Variants in MGST3 observed in about 807,000 individuals in gnomAD.
MGST3 encodes glutathione S-transferase 3, mitochondrial.
Under a neutral mutation model 15.8 loss-of-function variants are expected in MGST3, and 13 were observed. The observed-to-expected ratio is 0.82, with a 90% CI of 0.54 to 1.31. The LOEUF (loss-of-function observed/expected upper bound fraction) is 1.31, where lower values mean the gene tolerates loss of function less well. MGST3 is among the 50% of genes most tolerant of loss of function. The pLI, the probability that MGST3 is intolerant of heterozygous loss-of-function variation, is 0.00. For synonymous variants in MGST3, 49 were observed against 68.1 expected, an observed-to-expected ratio of 0.72 and a Z score of 1.38; for missense variants, 155 against 192.4, an observed-to-expected ratio of 0.81 and a Z score of 1.15.
chr1:165,634,249 C>G (rs757995028), intron 1 of MGST3, among the ~76,000 whole-genome samples: 1 of 152,128 alleles, frequency 6.6e-6, no homozygotes, highest in East Asian at 1.9e-4. Context: ...AAACTGGAGC[C>G]AGACTGCTTG....
At chr1:165,643,315 T>C (rs1451669761) in intron 1 of MGST3, among the ~76,000 whole-genome samples, 1 of 152,204 alleles carries the variant, frequency 6.6e-6, no homozygotes, top group Non-Finnish European at 1.5e-5. Flanking sequence ...TTTGCCATCA[T>C]AAATATTGCT....
At chr1:165,653,791 C>T (rs1051674933) in intron 4 of MGST3, 1 of 202,322 alleles carries the variant, frequency 4.9e-6, no homozygotes, top group Non-Finnish European at 1.0e-5. Flanking sequence ...CCAGTGTAGC[C>T]TGCAGAACCA....
At chr1:165,648,229 G>A (rs902886757) in intron 1 of MGST3, among the ~76,000 whole-genome samples, 37 of 152,240 alleles carry the variant, frequency 2.4e-4, no homozygotes, top group African/African-American at 8.4e-4. Context: ...GAACCAGCCC[G>A]CTGCAGTGTG....
At chr1:165,645,366 G>A (rs1399607125) in intron 1 of MGST3, among the ~76,000 whole-genome samples, 1 of 151,950 alleles carries the variant, frequency 6.6e-6, no homozygotes, top group African/African-American at 2.4e-5. Context: ...TTGCCCCAGT[G>A]GAAGGTCACA....
At chr1:165,653,492 A>G (rs114763603) in intron 4 of MGST3, among the ~76,000 whole-genome samples, 1,903 of 152,296 alleles carry the variant, frequency 0.012, 26 homozygotes, top group Non-Finnish European at 0.021. Flanking sequence ...GTTACCCAAA[A>G]TCAACTCAAA....
intron 1 of MGST3, chr1:165,648,368 G>C (rs1648464580): frequency 6.6e-6 from 1 of 152,400 alleles, no homozygotes; most frequent in South Asian, 2.1e-4. Context: ...AAGAAGTTAG[G>C]CCTGTTAGGC....
chr1:165,636,801 G>A (rs1020126343), intron 1 of MGST3: 2 of 152,138 alleles, frequency 1.3e-5, no homozygotes, highest in Non-Finnish European at 2.9e-5. Context: ...ATTGAGCATT[G>A]TGTGAGCTCC....
At position 165,644,208 on chromosome 1, in the gene MGST3, G is replaced by C. The variant is rs151297889; in HGVS notation, c.-7-5633G>C. On this transcript the variant is annotated intron_variant, in intron 1 of 5. Coordinates refer to ENST00000367889, the MANE Select transcript of MGST3 (RefSeq NM_004528.4). ...GAGATATGTTCTGAGAAATGTGTTA[G>C]GTGATTTTGTCATTGTGAGAATATC... 9.0e-3 allele frequency among the ~76,000 whole-genome samples: 1,371 copies of C among 152,258 alleles called. 19 individuals carry two copies. The highest frequency in any genetic ancestry group is 0.032 in the African/African-American group (1,313 of 41,522).
intron 1 of MGST3, among the ~76,000 whole-genome samples, chr1:165,642,745 G>A (rs77550659): frequency 0.036 from 5,505 of 152,236 alleles, 343 homozygotes; most frequent in African/African-American, 0.13. Flanking sequence ...AAACTGAGGT[G>A]CTGAAAGGTG....
In MGST3 at chr1:165,655,349, GTT is replaced by G; in HGVS notation, c.323-18_323-17del. The G allele has an allele frequency of 1.2e-6, 2 of 1,613,776 alleles. No individual in the cohort carries two copies. The highest frequency in any genetic ancestry group is 1.7e-6 in the Non-Finnish European group (2 of 1,179,824). On this transcript the variant is annotated splice_polypyrimidine_tract_variant and intron_variant, in intron 5 of 5. Coordinates refer to ENST00000367889, the MANE Select transcript of MGST3 (RefSeq NM_004528.4). ...TTCTGGAGCACTCCTGGTAACTTCTGTTCTTTCTTCTTTTTCAGAACCCAGCA... is the reference window on the plus strand; with the variant it reads ...TTCTGGAGCACTCCTGGTAACTTCTGCTTTCTTCTTTTTCAGAACCCAGCA...
intron 1 of MGST3, among the ~76,000 whole-genome samples, chr1:165,633,899 G>A (rs1648028380): frequency 6.6e-6 from 1 of 151,952 alleles, no homozygotes; most frequent in African/African-American, 2.4e-5. Context: ...TTTGCTCCTT[G>A]CAAACCTATA....
chr1:165,639,831 T>A (rs1167322262), intron 1 of MGST3, among the ~76,000 whole-genome samples: 1 of 152,114 alleles, frequency 6.6e-6, no homozygotes, highest in Non-Finnish European at 1.5e-5. Context: ...AGAAGCACTC[T>A]ATGGGACCAG....
chr1:165,641,357 T>G (rs1489539479), intron 1 of MGST3, among the ~76,000 whole-genome samples: 1 of 152,212 alleles, frequency 6.6e-6, no homozygotes, highest in Non-Finnish European at 1.5e-5. Flanking sequence ...TTATATATTC[T>G]GGTTGAATAA....
Position 165,651,126 on chromosome 1 carries a change from G to A in MGST3, c.191+39G>A, listed in dbSNP as rs753479877. ...CTGCCGGGCACCAAAGACATCTGCA[G>A]AGTGGGTGTTTTCTGTCTAACACCT... On this transcript the variant is annotated intron_variant, in intron 3 of 5. Coordinates refer to ENST00000367889, the MANE Select transcript of MGST3 (RefSeq NM_004528.4). 5.1e-6 allele frequency: 8 copies of A among 1,580,584 alleles called. No individual in the cohort carries two copies. The Admixed American group carries it at 1.3e-4, about 26-fold the overall frequency.
chr1:165,650,959 T>C, intron 2 of MGST3, 55 bp from the exon 3 acceptor site: 2 of 1,503,404 alleles, frequency 1.3e-6, no homozygotes, highest in Non-Finnish European at 1.9e-6. Context: ...ATTTTAACTT[T>C]CAACACTGAA....
At chr1:165,639,439 A>G (rs1024585418) in intron 1 of MGST3, among the ~76,000 whole-genome samples, 5 of 152,150 alleles carry the variant, frequency 3.3e-5, no homozygotes, top group Admixed American at 2.0e-4. Flanking sequence ...AATAGTAACT[A>G]TCATATGGGA....
chr1:165,651,914 C>G, intron 3 of MGST3, 64 bp from the exon 4 acceptor site: 1 of 465,874 alleles, frequency 2.1e-6, no homozygotes, highest in East Asian at 4.6e-5. Context: ...AAAAAAAATT[C>G]ATAATTCTAC....
chr1:165,650,846 A>G (rs1648532432), intron 2 of MGST3, 168 bp from the exon 3 acceptor site: 6 of 661,272 alleles, frequency 9.1e-6, no homozygotes, highest in Non-Finnish European at 1.4e-5. Context: ...TCTGCTTCTG[A>G]GAATTGAGAC....
chr1:165,653,891 A>AT, intron 4 of MGST3: 1 of 301,262 alleles, frequency 3.3e-6, no homozygotes, highest in South Asian at 3.1e-5. Flanking sequence ...ATTTGAGAAA[A>AT]CGGCATTTCC....
Sources: gnomAD v4.1 joint callset for allele counts (sites outside exome capture counted in the v4.1 genomes callset) on GRCh38, gnomAD v4.1.1 for gene constraint, MANE v1.5 for transcripts, NCBI Gene and HGNC (gene_info 2026-07-23, HGNC 2026-07-21) for gene names.